VAT1L: variants seen among roughly 807,000 people sequenced by gnomAD.
VAT1L encodes the protein vesicle amine transport 1 like.
In VAT1L, 34 loss-of-function variants were observed where a neutral mutation model predicts 44.1. The ratio of observed to expected loss-of-function variants is 0.77; its 90% CI spans 0.59 to 1.03. VAT1L has a LOEUF of 1.03. Ranked by LOEUF, VAT1L falls within the 50% of genes least tolerant of loss-of-function variation. The pLI, the probability that VAT1L is intolerant of heterozygous loss-of-function variation, is 0.00. For missense variants in VAT1L, 615 were observed against 538.8 expected (o/e 1.14, Z -1.40); for synonymous variants, 253 against 202.2 (o/e 1.25, Z -2.13).
At chr16:77,970,380 A>G (rs2018266524) in intron 7 of VAT1L, among the ~76,000 whole-genome samples, 1 of 152,256 alleles carries the variant, frequency 6.6e-6, no homozygotes, top group African/African-American at 2.4e-5. Context: ...ATGATGTTTT[A>G]TCATATATCC....
intron 7 of VAT1L, among the ~76,000 whole-genome samples, chr16:77,930,320 G>A (rs914769273): frequency 1.3e-5 from 2 of 152,150 alleles, no homozygotes; most frequent in Admixed American, 1.3e-4. Flanking sequence ...CATTACTGAT[G>A]TTCTTTGGGG....
chr16:77,958,733 G>A (rs530252146), intron 7 of VAT1L, among the ~76,000 whole-genome samples: 14 of 152,246 alleles, frequency 9.2e-5, no homozygotes, highest in African/African-American at 2.9e-4. Flanking sequence ...ATTTGATCAG[G>A]AGAACAACTA....
intron 1 of VAT1L, among the ~76,000 whole-genome samples, chr16:77,790,114 G>A (rs1226736456): frequency 6.6e-6 from 1 of 152,098 alleles, no homozygotes; most frequent in Non-Finnish European, 1.5e-5. Context: ...TACAAACGAG[G>A]GTCCCCTCCC....
intron 2 of VAT1L, among the ~76,000 whole-genome samples, chr16:77,823,001 C>G (rs1337371534): frequency 6.6e-6 from 1 of 152,020 alleles, no homozygotes; most frequent in African/African-American, 2.4e-5. Context: ...TCCTCATTAC[C>G]CAGGTCTGAA....
rs563328214 is a variant in VAT1L, at chr16:77,808,027, G to A, written c.234-8894G>A. ...CACTTTGCCTATACTCCAGAACAGG[G>A]CTCCCTGGGCCACAGACCAGTACTG... On this transcript the variant is annotated intron_variant, in intron 1 of 8. Transcript: ENST00000302536. Among the ~76,000 whole-genome samples the A allele has an allele frequency of 1.4e-4, 22 of 152,030 alleles. No homozygotes were observed. In the South Asian group the frequency reaches 4.6e-3, roughly 32 times the overall value.
intron 3 of VAT1L, among the ~76,000 whole-genome samples, chr16:77,845,182 C>T (rs532747603): frequency 1.7e-4 from 25 of 151,156 alleles, no homozygotes; most frequent in Admixed American, 1.1e-3. Context: ...CTGAGGTCGG[C>T]GCTGACAGTC....
chr16:77,853,931 C>G (rs2016831458), intron 3 of VAT1L, among the ~76,000 whole-genome samples: 1 of 151,970 alleles, frequency 6.6e-6, no homozygotes, highest in Non-Finnish European at 1.5e-5. Flanking sequence ...ATTTCGAGAC[C>G]AGCCTGGCCA....
chr16:77,888,026 G>C (rs2017226292), intron 7 of VAT1L, among the ~76,000 whole-genome samples: 1 of 152,084 alleles, frequency 6.6e-6, no homozygotes, highest in South Asian at 2.1e-4. Flanking sequence ...TCCCTGTCTT[G>C]AGCCTTCAAA....
chr16:77,904,484 C>A (rs1178956383), intron 7 of VAT1L, among the ~76,000 whole-genome samples: 1 of 152,156 alleles, frequency 6.6e-6, no homozygotes, highest in East Asian at 1.9e-4. Context: ...TGGACAGCCA[C>A]CCTCTCACTG....
intron 3 of VAT1L, among the ~76,000 whole-genome samples, chr16:77,857,536 G>T (rs2016871303): frequency 6.6e-6 from 1 of 151,862 alleles, no homozygotes; most frequent in Admixed American, 6.6e-5. Flanking sequence ...TGATGAATTT[G>T]TGTTTTCCAT....
At chr16:77,910,314 G>A (rs2017485735) in intron 7 of VAT1L, among the ~76,000 whole-genome samples, 1 of 152,120 alleles carries the variant, frequency 6.6e-6, no homozygotes, top group Non-Finnish European at 1.5e-5. Flanking sequence ...GAGCCTCTCA[G>A]GATATGTTTC....
chr16:77,907,555 C>T (rs2017451426), intron 7 of VAT1L, among the ~76,000 whole-genome samples: 1 of 152,134 alleles, frequency 6.6e-6, no homozygotes, highest in African/African-American at 2.4e-5. Context: ...TCTTGGACAC[C>T]CTATGCCCAG....
chr16:77,871,520 T>G (rs1322673183), intron 4 of VAT1L, among the ~76,000 whole-genome samples: 1 of 152,174 alleles, frequency 6.6e-6, no homozygotes, highest in Non-Finnish European at 1.5e-5. Flanking sequence ...ACTTACCCTA[T>G]GAAACCCTAA....
At chr16:77,939,868 T>G (rs1337404483) in intron 7 of VAT1L, among the ~76,000 whole-genome samples, 5 of 152,204 alleles carry the variant, frequency 3.3e-5, no homozygotes, top group Non-Finnish European at 7.3e-5. Context: ...AAATAGCTCA[T>G]TAAAGAGTGT....
chr16:77,887,160 C>T (rs1176860223), intron 7 of VAT1L, among the ~76,000 whole-genome samples: 1 of 152,068 alleles, frequency 6.6e-6, no homozygotes, highest in African/African-American at 2.4e-5. Flanking sequence ...TCCCTAAAAA[C>T]AAAGGGGTGA....
intron 4 of VAT1L, among the ~76,000 whole-genome samples, chr16:77,869,726 C>CTCTG (rs1227415970): frequency 6.6e-6 from 1 of 152,124 alleles, no homozygotes; most frequent in Non-Finnish European, 1.5e-5. Flanking sequence ...CATGAGCTGG[C>CTCTG]TCTGGAAGTT....
intron 2 of VAT1L, among the ~76,000 whole-genome samples, chr16:77,819,032 G>A (rs1447498790): frequency 6.6e-6 from 1 of 152,100 alleles, no homozygotes; most frequent in African/African-American, 2.4e-5. Flanking sequence ...CAAATAATGA[G>A]ATGAAGTGGT....
chr16:77,970,564 T>C (rs1282164229), intron 7 of VAT1L, among the ~76,000 whole-genome samples: 1 of 152,248 alleles, frequency 6.6e-6, no homozygotes, highest in Admixed American at 6.5e-5. Flanking sequence ...ACATATCATT[T>C]CCTTTCAGTA....
At chr16:77,854,115 G>A (rs111340722) in intron 3 of VAT1L, among the ~76,000 whole-genome samples, 277 of 151,762 alleles carry the variant, frequency 1.8e-3, no homozygotes, top group Middle Eastern at 6.8e-3. Flanking sequence ...GCAACAGAGT[G>A]AGACTCTGTC....
Sources: gnomAD v4.1 joint callset for allele counts (sites outside exome capture counted in the v4.1 genomes callset) on GRCh38, gnomAD v4.1.1 for gene constraint, MANE v1.5 for transcripts, NCBI Gene and HGNC (gene_info 2026-07-23, HGNC 2026-07-21) for gene names.